The following AK5 variants were observed in gnomAD, a reference collection of about 807,000 sequenced individuals.
The protein encoded by AK5 is adenylate kinase 5, also known as adenylate kinase isoenzyme 5.
AK5 carries 27 observed loss-of-function variants against 69.5 expected under a neutral mutation model. The ratio of observed to expected loss-of-function variants is 0.39; its 90% CI spans 0.29 to 0.54. The LOEUF (loss-of-function observed/expected upper bound fraction) is 0.54, where lower values mean the gene tolerates loss of function less well. Among genes scored for constraint, AK5 ranks in the 20% least tolerant of loss-of-function variants. The probability of loss-of-function intolerance (pLI) is 0.71; values close to 1 mark genes in which losing one functional copy is unlikely to be tolerated. For synonymous variants in AK5, 260 were observed against 244.4 expected, an observed-to-expected ratio of 1.06 and a Z score of -0.60; for missense variants, 531 against 700.4, an observed-to-expected ratio of 0.76 and a Z score of 2.73.
chr1:77,359,131 T>A (rs1416492909), intron 6 of AK5, among the ~76,000 whole-genome samples: 2 of 151,826 alleles, frequency 1.3e-5, no homozygotes, highest in South Asian at 4.2e-4. Context: ...GGTGGGTGCC[T>A]GTAGTCCCAG....
At chr1:77,410,810 G>A (rs1188640822) in intron 6 of AK5, among the ~76,000 whole-genome samples, 171 bp from the exon 7 acceptor site, 2 of 152,106 alleles carry the variant, frequency 1.3e-5, no homozygotes, top group Non-Finnish European at 2.9e-5. Context: ...TGTTCGATAG[G>A]AGGTCTGGGC....
intron 1 of AK5, chr1:77,282,809 C>G (rs1265396881): frequency 1.1e-5 from 11 of 992,268 alleles, no homozygotes; most frequent in Non-Finnish European, 1.3e-5. Flanking sequence ...GGTCGGAACC[C>G]CTGGGGGAAA....
chr1:77,315,881 C>T (rs1660219029), intron 5 of AK5, among the ~76,000 whole-genome samples: 1 of 151,322 alleles, frequency 6.6e-6, no homozygotes, highest in Non-Finnish European at 1.5e-5. Context: ...TTAAGGAATC[C>T]CGGGCTAGGG....
chr1:77,412,592 A>C (rs1254551382), intron 7 of AK5, among the ~76,000 whole-genome samples: 1 of 152,154 alleles, frequency 6.6e-6, no homozygotes, highest in Non-Finnish European at 1.5e-5. Context: ...TAGCTCCAGG[A>C]AACTGTCGCT....
chr1:77,549,478 T>C (rs1033944408), intron 13 of AK5, among the ~76,000 whole-genome samples: 6 of 152,174 alleles, frequency 3.9e-5, no homozygotes, highest in South Asian at 2.1e-4. Context: ...CTTTTAGTTA[T>C]TTTTAAGTGT....
At chr1:77,362,256 G>A (rs1646877968) in intron 6 of AK5, among the ~76,000 whole-genome samples, 1 of 152,108 alleles carries the variant, frequency 6.6e-6, no homozygotes, top group Non-Finnish European at 1.5e-5. Context: ...TCACTTCAGT[G>A]AGCACAATGT....
intron 8 of AK5, among the ~76,000 whole-genome samples, chr1:77,441,381 C>T (rs140421801): frequency 2.0e-5 from 3 of 151,730 alleles, no homozygotes; most frequent in Non-Finnish European, 4.4e-5. Flanking sequence ...TTTTATGTGT[C>T]CCTGCATTCA....
intron 6 of AK5, among the ~76,000 whole-genome samples, chr1:77,360,501 G>A (rs1010877650): frequency 8.5e-5 from 13 of 152,090 alleles, no homozygotes; most frequent in Admixed American, 2.6e-4. Flanking sequence ...GTTAGGGGGG[G>A]TGGATGTCAG....
At chr1:77,352,024 G>A (rs1369575224) in intron 6 of AK5, among the ~76,000 whole-genome samples, 2 of 150,672 alleles carry the variant, frequency 1.3e-5, no homozygotes, top group African/African-American at 4.9e-5. Flanking sequence ...CTGCCTTCCG[G>A]TTTCAAGCAA....
At chr1:77,377,275 GT>G (rs765720313) in intron 6 of AK5, among the ~76,000 whole-genome samples, 2 of 152,168 alleles carry the variant, frequency 1.3e-5, no homozygotes, top group Non-Finnish European at 2.9e-5. Flanking sequence ...TGAATTTATA[GT>G]TTCTTCCCAT....
chr1:77,399,513 T>G (rs558437247), intron 6 of AK5, among the ~76,000 whole-genome samples: 3 of 152,194 alleles, frequency 2.0e-5, no homozygotes, highest in Non-Finnish European at 4.4e-5. Context: ...TCAAAGGGGA[T>G]AGGGGGCCAA....
intron 8 of AK5, among the ~76,000 whole-genome samples, chr1:77,476,211 G>C (rs557822156): frequency 2.0e-5 from 3 of 152,108 alleles, no homozygotes; most frequent in Non-Finnish European, 4.4e-5. Flanking sequence ...CAGTGAATGA[G>C]AAATGGGACT....
intron 8 of AK5, among the ~76,000 whole-genome samples, chr1:77,454,779 G>A (rs1242077374): frequency 6.6e-6 from 1 of 151,968 alleles, no homozygotes; most frequent in African/African-American, 2.4e-5. Context: ...ATTTTCTTGA[G>A]TGGGTCTAAG....
intron 8 of AK5, among the ~76,000 whole-genome samples, chr1:77,458,777 G>T (rs1156841561): frequency 2.1e-4 from 32 of 152,184 alleles, no homozygotes; most frequent in Admixed American, 2.1e-3. Flanking sequence ...TGAGATTTGA[G>T]TGGGGACACA....
chr1:77,453,646 A>G (rs1182710612), intron 8 of AK5, among the ~76,000 whole-genome samples: 1 of 152,212 alleles, frequency 6.6e-6, no homozygotes, highest in Non-Finnish European at 1.5e-5. Flanking sequence ...AGAAAGTGAG[A>G]AGGGACTGAC....
chr1:77,458,987 G>A (rs1240790135), intron 8 of AK5, among the ~76,000 whole-genome samples: 1 of 152,178 alleles, frequency 6.6e-6, no homozygotes, highest in African/African-American at 2.4e-5. Context: ...CAGGGAGCAG[G>A]ATCCTGGCTG....
chr1:77,283,571 T>A, intron 1 of AK5: 1 of 985,400 alleles, frequency 1.0e-6, no homozygotes, highest in Non-Finnish European at 1.2e-6. Context: ...CTCACCTCTA[T>A]AAGCCACCGT....
intron 12 of AK5, among the ~76,000 whole-genome samples, chr1:77,523,643 C>A (rs879480000): frequency 1.3e-5 from 2 of 152,136 alleles, no homozygotes; most frequent in African/African-American, 2.4e-5. Context: ...TTTTTATCTG[C>A]TAAACTGAAA....
At chr1:77,467,081 C>T (rs1293947121) in intron 8 of AK5, among the ~76,000 whole-genome samples, 2 of 152,236 alleles carry the variant, frequency 1.3e-5, no homozygotes, top group South Asian at 2.1e-4. Flanking sequence ...CAAATTGTAA[C>T]TCTCCCTGAA....
Sources: allele counts gnomAD v4.1 joint callset (sites outside exome capture counted in the v4.1 genomes callset), GRCh38; gene constraint gnomAD v4.1.1; transcripts MANE v1.5; gene names NCBI Gene and HGNC (gene_info 2026-07-23, HGNC 2026-07-21).